TMPRSS15: variants seen among roughly 807,000 people sequenced by gnomAD.
TMPRSS15 encodes the protein transmembrane serine protease 15.
A neutral mutation model predicts 125.3 loss-of-function variants in TMPRSS15; 128 were observed. That is an observed-to-expected ratio of 1.02 (90% CI 0.89 to 1.18). The LOEUF (loss-of-function observed/expected upper bound fraction) is 1.18. Among genes scored for constraint, TMPRSS15 ranks in the 50% most tolerant of loss-of-function variants. TMPRSS15 has a pLI of 0.00. For synonymous variants in TMPRSS15, 446 were observed against 423.2 expected (o/e 1.05, Z -0.66); for missense variants, 1,283 against 1,212.7 (o/e 1.06, Z -0.86).
chr21:18,391,232 C>T (rs1008690231), intron 3 of TMPRSS15, among the ~76,000 whole-genome samples: 14 of 152,300 alleles, frequency 9.2e-5, no homozygotes, highest in African/African-American at 3.4e-4. Flanking sequence ...AGTTTTAACT[C>T]ATTTCAGCAT....
In TMPRSS15 at chr21:18,319,422, ATTTT is replaced by A. The variant is rs35796863; in HGVS notation, c.1922-4170_1922-4167del. 9.3e-3 allele frequency among the ~76,000 whole-genome samples: 976 copies of A among 105,280 alleles called. 12 individuals are homozygous for A. The highest frequency in any genetic ancestry group is 0.031 in the African/African-American group (887 of 28,644). The allele number at this position is 105,280 out of a possible 152,430, so 69.1% of individuals were successfully genotyped here. On this transcript the variant is annotated intron_variant, in intron 16 of 24. Transcript: ENST00000284885. Reference sequence around the variant, plus strand: ...CAGTAAAAAAAAATCTTCTTCACCGATTTTTTTTTTTTTTTTTTTTTTTGAGACA... The same window carrying A: ...CAGTAAAAAAAAATCTTCTTCACCGATTTTTTTTTTTTTTTTTTTGAGACA...
intron 11 of TMPRSS15, 103 bp downstream of exon 11, chr21:18,343,852 A>G: frequency 1.6e-6 from 2 of 1,274,542 alleles, no homozygotes; most frequent in Admixed American, 3.4e-5. Flanking sequence ...TATATGCATT[A>G]AAACTTTAGC....
intron 5 of TMPRSS15, among the ~76,000 whole-genome samples, chr21:18,375,638 G>T (rs1012919872): frequency 1.3e-5 from 2 of 152,114 alleles, no homozygotes; most frequent in African/African-American, 2.4e-5. Flanking sequence ...AATCTATGTG[G>T]TATTTTACCT....
In TMPRSS15 at chr21:18,353,036, A is replaced by G; in HGVS notation, c.1038T>C (p.Asn346=). 6.2e-7 allele frequency: 1 copy of G among 1,610,492 alleles called. No individual in the cohort carries two copies. The change falls in exon 10 of 25, where the codon AAT becomes AAC. Residue 346 remains asparagine (N), a synonymous_variant. Coordinates refer to ENST00000284885, the MANE Select transcript of TMPRSS15 (RefSeq NM_002772.3). ...SSELNNYEKI[N]CNFEDGFCFW... ...AACAAAAGCCATCCTCAAAGTTACAATTAATTTTCTCATAATCTGTGAATG... is the reference window on the plus strand; with the variant it reads ...AACAAAAGCCATCCTCAAAGTTACAGTTAATTTTCTCATAATCTGTGAATG...
At chr21:18,441,306 A>AAAACAAAACAAAACAAAACC (rs1555912706) in intron 1 of TMPRSS15, among the ~76,000 whole-genome samples, 1 of 150,368 alleles carries the variant, frequency 6.7e-6, no homozygotes, top group African/African-American at 2.4e-5. Flanking sequence ...AAAACAAAAC[A>AAAACAAAACAAAACAAAACC]AAACCAAAAA....
At chr21:18,323,178 G>T (rs2075256243) in intron 16 of TMPRSS15, among the ~76,000 whole-genome samples, 1 of 151,960 alleles carries the variant, frequency 6.6e-6, no homozygotes. Context: ...TAAAAATTTT[G>T]TTTCAAGATG....
rs138908136 is a variant in TMPRSS15 at position 18,287,304 on chromosome 21, G to A, written c.2487-6083C>T. On this transcript the variant is annotated intron_variant, in intron 21 of 24. Coordinates refer to ENST00000284885, the MANE Select transcript of TMPRSS15 (RefSeq NM_002772.3). ...GCAGGAAGGAATGAATATTACCAGTGGTTCCTCATAACAGCCAGGTAACGG... is the reference window on the plus strand; with the variant it reads ...GCAGGAAGGAATGAATATTACCAGTAGTTCCTCATAACAGCCAGGTAACGG... Among the ~76,000 whole-genome samples the A allele has an allele frequency of 3.7e-3, 569 of 152,202 alleles. 13 individuals are homozygous for A. The highest frequency in any genetic ancestry group is 0.032 in the Admixed American group (494 of 15,284).
chr21:18,313,224 T>C, intron 17 of TMPRSS15, 147 bp from the exon 18 acceptor site: 1 of 702,864 alleles, frequency 1.4e-6, no homozygotes, highest in South Asian at 1.5e-5. Context: ...CTATAGTTAA[T>C]AATAATGTAT....
intron 1 of TMPRSS15, among the ~76,000 whole-genome samples, chr21:18,434,291 T>A (rs2076223384): frequency 6.6e-6 from 1 of 152,220 alleles, no homozygotes; most frequent in Non-Finnish European, 1.5e-5. Context: ...TGCACATATA[T>A]ACACACATTT....
chr21:18,333,607 A>G (rs368237987), intron 13 of TMPRSS15, among the ~76,000 whole-genome samples: 193 of 151,884 alleles, frequency 1.3e-3, no homozygotes, highest in African/African-American at 4.5e-3. Flanking sequence ...CTGCACATGG[A>G]TAGTAAGGAA....
At chr21:18,283,085 CAG>C (rs1038779469) in intron 21 of TMPRSS15, among the ~76,000 whole-genome samples, 1 of 152,172 alleles carries the variant, frequency 6.6e-6, no homozygotes, top group Admixed American at 6.5e-5. Flanking sequence ...TTCTCTTCTC[CAG>C]GTCAGAGGAA....
intron 1 of TMPRSS15, among the ~76,000 whole-genome samples, chr21:18,412,574 G>A (rs150365458): frequency 1.5e-3 from 223 of 152,246 alleles, no homozygotes; most frequent in Admixed American, 2.5e-3. Flanking sequence ...GTAATATTTC[G>A]TACTAGGTAA....
chr21:18,415,949 A>C (rs1174568760), intron 1 of TMPRSS15, among the ~76,000 whole-genome samples: 1 of 152,092 alleles, frequency 6.6e-6, no homozygotes, highest in African/African-American at 2.4e-5. Flanking sequence ...AAATTGAGTA[A>C]ATATGCAGGA....
At chr21:18,281,437 C>T (rs1388156159) in intron 21 of TMPRSS15, among the ~76,000 whole-genome samples, 3 of 152,134 alleles carry the variant, frequency 2.0e-5, no homozygotes, top group Non-Finnish European at 2.9e-5. Context: ...TTTCACTCCT[C>T]TTAAGTTATA....
At chr21:18,401,931 C>A (rs942149092) in intron 1 of TMPRSS15, among the ~76,000 whole-genome samples, 7 of 152,052 alleles carry the variant, frequency 4.6e-5, no homozygotes, top group Non-Finnish European at 7.4e-5. Context: ...AATGGACTTT[C>A]AAATGCTTAT....
At chr21:18,399,748 C>T (rs773575293) in intron 1 of TMPRSS15, among the ~76,000 whole-genome samples, 1 of 151,972 alleles carries the variant, frequency 6.6e-6, no homozygotes, top group Non-Finnish European at 1.5e-5. Context: ...GAACTCTGTA[C>T]AATTTTTGCA....
chr21:18,400,379 C>T (rs1423075704), intron 1 of TMPRSS15, among the ~76,000 whole-genome samples: 1 of 152,054 alleles, frequency 6.6e-6, no homozygotes, highest in Non-Finnish European at 1.5e-5. Flanking sequence ...AATACAGATA[C>T]ATAGTCCAAT....
chr21:18,413,506 C>A (rs536405904), intron 1 of TMPRSS15, among the ~76,000 whole-genome samples: 25 of 151,066 alleles, frequency 1.7e-4, no homozygotes, highest in Admixed American at 1.5e-3. Flanking sequence ...CTACCTCCAC[C>A]TTCCAGGTTC....
At chr21:18,323,380 G>A (rs759383072) in intron 16 of TMPRSS15, among the ~76,000 whole-genome samples, 4 of 152,134 alleles carry the variant, frequency 2.6e-5, no homozygotes, top group African/African-American at 9.7e-5. Context: ...ATGGCAGCAG[G>A]CAAGAGAGAG....
Sources: allele counts gnomAD v4.1 joint callset (sites outside exome capture counted in the v4.1 genomes callset), GRCh38; gene constraint gnomAD v4.1.1; transcripts MANE v1.5; gene names NCBI Gene and HGNC (gene_info 2026-07-23, HGNC 2026-07-21).